FHOD3: variants seen among roughly 807,000 people sequenced by gnomAD.
FHOD3 encodes FH1/FH2 domain-containing protein 3.
Under a neutral mutation model 173.0 loss-of-function variants are expected in FHOD3, and 90 were observed. The observed-to-expected ratio is 0.52, with a 90% CI of 0.44 to 0.62. The LOEUF (loss-of-function observed/expected upper bound fraction) is 0.62. Ranked by LOEUF, FHOD3 falls within the 20% of genes least tolerant of loss-of-function variation. The pLI, the probability that FHOD3 is intolerant of heterozygous loss-of-function variation, is 0.00. For synonymous variants in FHOD3, 828 were observed against 823.0 expected (o/e 1.01, Z -0.10); for missense variants, 1,945 against 2,034.7 (o/e 0.96, Z 0.85).
chr18:36,542,419 G>A (rs577245054), intron 5 of FHOD3, among the ~76,000 whole-genome samples: 2 of 152,056 alleles, frequency 1.3e-5, no homozygotes, highest in Non-Finnish European at 1.5e-5. Context: ...AACAGTAGAT[G>A]GCCTTTTAAT....
intron 3 of FHOD3, among the ~76,000 whole-genome samples, chr18:36,405,415 T>A (rs2049009465): frequency 6.6e-6 from 1 of 152,254 alleles, no homozygotes; most frequent in African/African-American, 2.4e-5. Flanking sequence ...TATTCTTCTT[T>A]CCTTTCCACT....
At chr18:36,704,830 C>T (rs1045822297) in intron 17 of FHOD3, among the ~76,000 whole-genome samples, 4 of 152,324 alleles carry the variant, frequency 2.6e-5, no homozygotes, top group South Asian at 2.1e-4. Context: ...TGCCCCGCTC[C>T]GGTGTGAACA....
At chr18:36,616,082 T>TC (rs2033169824) in intron 9 of FHOD3, among the ~76,000 whole-genome samples, 1 of 152,182 alleles carries the variant, frequency 6.6e-6, no homozygotes, top group South Asian at 2.1e-4. Flanking sequence ...AGGAGTATGT[T>TC]CTCATGGCTC....
chr18:36,517,873 C>T (rs181504083), intron 5 of FHOD3, among the ~76,000 whole-genome samples: 1 of 152,076 alleles, frequency 6.6e-6, no homozygotes, highest in East Asian at 1.9e-4. Context: ...GACTATAGTC[C>T]ACTATAGGAA....
intron 20 of FHOD3, among the ~76,000 whole-genome samples, chr18:36,737,568 T>A (rs112183400): frequency 0.018 from 2,769 of 152,288 alleles, 29 homozygotes; most frequent in Non-Finnish European, 0.029. Flanking sequence ...CCTCAGTGAT[T>A]GGAGCCCTGG....
intron 5 of FHOD3, among the ~76,000 whole-genome samples, chr18:36,562,703 G>T (rs930452349): frequency 6.6e-6 from 1 of 152,166 alleles, no homozygotes. Context: ...AGGTGTTGAT[G>T]CTGAGCCTGC....
At chr18:36,627,681 C>T (rs577246434) in intron 10 of FHOD3, among the ~76,000 whole-genome samples, 1 of 152,292 alleles carries the variant, frequency 6.6e-6, no homozygotes, top group South Asian at 2.1e-4. Flanking sequence ...GAAGTGACTT[C>T]ATTTACGAAG....
chr18:36,640,746 C>T (rs1344451172), intron 10 of FHOD3, among the ~76,000 whole-genome samples: 1 of 152,148 alleles, frequency 6.6e-6, no homozygotes, highest in Non-Finnish European at 1.5e-5. Flanking sequence ...GGGCTCTGGG[C>T]TGGTCTTCTG....
chr18:36,683,652 G>C (rs2038405115), intron 15 of FHOD3, among the ~76,000 whole-genome samples: 1 of 152,182 alleles, frequency 6.6e-6, no homozygotes, highest in Admixed American at 6.5e-5. Context: ...TCTTTTTCCA[G>C]ACCAAGGCAC....
chr18:36,663,496 A>G (rs931603544), intron 14 of FHOD3, among the ~76,000 whole-genome samples: 2 of 152,220 alleles, frequency 1.3e-5, no homozygotes, highest in African/African-American at 2.4e-5. Context: ...GCCATGGAAC[A>G]GTCCTATTAT....
At chr18:36,315,788 G>A (rs117564489) in intron 1 of FHOD3, among the ~76,000 whole-genome samples, 1,622 of 152,186 alleles carry the variant, frequency 0.011, 18 homozygotes, top group Non-Finnish European at 0.018. Context: ...GCAGTGCCGA[G>A]TACTCAAGCA....
intron 3 of FHOD3, among the ~76,000 whole-genome samples, chr18:36,449,408 T>G (rs773878349): frequency 6.6e-6 from 1 of 152,218 alleles, no homozygotes; most frequent in Non-Finnish European, 1.5e-5. Context: ...GCATATGCCC[T>G]TGTCATCCGT....
chr18:36,636,034 T>G (rs1256116149), intron 10 of FHOD3, among the ~76,000 whole-genome samples: 1 of 152,166 alleles, frequency 6.6e-6, no homozygotes, highest in African/African-American at 2.4e-5. Context: ...CGAACATACC[T>G]CAGATGGAAA....
intron 27 of FHOD3, among the ~76,000 whole-genome samples, chr18:36,766,108 A>G (rs1441471350): frequency 6.6e-6 from 1 of 152,204 alleles, no homozygotes; most frequent in Non-Finnish European, 1.5e-5. Context: ...CTATGGTGCA[A>G]TGATAATAAT....
Position 36,546,486 on chromosome 18 carries a change from C to T in FHOD3, c.512-29965C>T, listed in dbSNP as rs538517477. Among the ~76,000 whole-genome samples the T allele has an allele frequency of 2.0e-5, 3 of 152,214 alleles. No individual in the cohort carries two copies. The East Asian group carries it at 5.8e-4, about 29-fold the overall frequency. The stretch of plus-strand genomic sequence containing the variant: ...AATCAACAGAAAATGGCTATCTTAG[C>T]GGCATATTAATTTTTCAGGTGTTAA... On this transcript the variant is annotated intron_variant, in intron 5 of 28. Transcript: ENST00000590592.
intron 3 of FHOD3, among the ~76,000 whole-genome samples, chr18:36,393,962 A>C (rs2048426319): frequency 6.6e-6 from 1 of 152,192 alleles, no homozygotes; most frequent in South Asian, 2.1e-4. Flanking sequence ...GGCTTGATTA[A>C]AACTTAGAAG....
intron 19 of FHOD3, among the ~76,000 whole-genome samples, chr18:36,722,683 C>T (rs940249469): frequency 1.3e-5 from 2 of 152,072 alleles, no homozygotes; most frequent in Non-Finnish European, 2.9e-5. Flanking sequence ...TAGCTCACTA[C>T]GGCCTCAAAC....
At chr18:36,347,321 T>C (rs180775309) in intron 1 of FHOD3, among the ~76,000 whole-genome samples, 38 of 152,372 alleles carry the variant, frequency 2.5e-4, no homozygotes, top group Admixed American at 1.4e-3. Context: ...TTCAAATGTT[T>C]ACCTATTTAC....
At chr18:36,747,163 TATC>T (rs1208970105) in intron 24 of FHOD3, 28 bp downstream of exon 24, 6 of 1,553,530 alleles carry the variant, frequency 3.9e-6, no homozygotes, top group Non-Finnish European at 5.2e-6. Context: ...CTTATAGAAA[TATC>T]AGTACAATGG....
Sources: gnomAD v4.1 joint callset for allele counts (sites outside exome capture counted in the v4.1 genomes callset) on GRCh38, gnomAD v4.1.1 for gene constraint, MANE v1.5 for transcripts, NCBI Gene and HGNC (gene_info 2026-07-23, HGNC 2026-07-21) for gene names.